UQCC1: variants seen among roughly 807,000 people sequenced by gnomAD.
UQCC1 encodes the protein bFGF-repressed Zic-binding protein.
Under a neutral mutation model 48.0 loss-of-function variants are expected in UQCC1, and 38 were observed. The ratio of observed to expected loss-of-function variants is 0.79; its 90% CI spans 0.61 to 1.04. The LOEUF is 1.04. UQCC1 is among the 50% of genes least tolerant of loss of function. The pLI is 0.00. For synonymous variants in UQCC1, 111 were observed against 129.2 expected (o/e 0.86, Z 0.95); for missense variants, 368 against 381.8 (o/e 0.96, Z 0.30).
intron 1 of UQCC1, among the ~76,000 whole-genome samples, chr20:35,405,705 T>C (rs2062241173): frequency 6.6e-6 from 1 of 152,018 alleles, no homozygotes; most frequent in Non-Finnish European, 1.5e-5. Flanking sequence ...CTGGCCAACA[T>C]GGTGAAACCC....
At chr20:35,404,723 C>T (rs1392414352) in intron 1 of UQCC1, among the ~76,000 whole-genome samples, 1 of 151,542 alleles carries the variant, frequency 6.6e-6, no homozygotes, top group Non-Finnish European at 1.5e-5. Context: ...ATTATTCAAC[C>T]TGTCTGACAG....
At chr20:35,395,275 G>T (rs1433783593) in intron 1 of UQCC1, among the ~76,000 whole-genome samples, 1 of 152,036 alleles carries the variant, frequency 6.6e-6, no homozygotes, top group African/African-American at 2.4e-5. Context: ...ACACATATTT[G>T]TTCCTCTAGC....
intron 1 of UQCC1, among the ~76,000 whole-genome samples, chr20:35,410,316 G>A (rs2062330228): frequency 6.6e-6 from 1 of 151,708 alleles, no homozygotes; most frequent in East Asian, 2.0e-4. Context: ...GGCGGATCAT[G>A]AGGTCAGGAG....
chr20:35,395,978 GTC>G (rs2062072476), intron 1 of UQCC1, among the ~76,000 whole-genome samples: 2 of 110,040 alleles, frequency 1.8e-5, no homozygotes, highest in Non-Finnish European at 3.9e-5. Flanking sequence ...GGTTTGCAAT[GTC>G]TTTTTTTTTT....
intron 1 of UQCC1, among the ~76,000 whole-genome samples, chr20:35,401,613 T>C (rs889208246): frequency 1.3e-5 from 2 of 151,034 alleles, no homozygotes; most frequent in African/African-American, 4.9e-5. Context: ...TTCACAAATA[T>C]AGAATCTGTG....
rs112201355 is a variant in UQCC1 at position 35,397,320 on chromosome 20, C to T, written c.25-3124G>A. Among the ~76,000 whole-genome samples the T allele has an allele frequency of 4.2e-3, 632 of 151,796 alleles. 3 individuals are homozygous for T. The highest frequency in any genetic ancestry group is 6.9e-3 in the Middle Eastern group (2 of 290). On this transcript the variant is annotated intron_variant, in intron 1 of 9. Transcript: ENST00000374385. ...CACGAGGTCAGGAGATCGAGACCATCGTGGCTAACACAGTGAAACCCCTTC... is the reference window on the plus strand; with the variant it reads ...CACGAGGTCAGGAGATCGAGACCATTGTGGCTAACACAGTGAAACCCCTTC...
rs765833755 is a variant in UQCC1, at chr20:35,318,261, C to A, written c.574-3496G>T. ...TCAATACCCTTGAGGAAAGGGTGAA[C>A]TGAAACCCAGAAAGAAGAGACTTAT... On this transcript the variant is annotated intron_variant, in intron 7 of 9. Transcript: ENST00000374385. 8.4e-4 allele frequency among the ~76,000 whole-genome samples: 128 copies of A among 152,184 alleles called. 1 individual carries two copies. The highest frequency in any genetic ancestry group is 7.8e-4 in the Non-Finnish European group (53 of 68,038).
At chr20:35,306,993 A>G in intron 8 of UQCC1, 1 of 586,238 alleles carries the variant, frequency 1.7e-6, no homozygotes, top group Non-Finnish European at 3.1e-6. Flanking sequence ...ACAGAGGGAG[A>G]ACAGGGGGTC....
At chr20:35,365,655 T>TAA (rs34840052) in intron 6 of UQCC1, among the ~76,000 whole-genome samples, 2,017 of 118,932 alleles carry the variant, frequency 0.017, 49 homozygotes, top group South Asian at 0.066. Context: ...AGACTATGTC[T>TAA]AAAAAAAAAA....
At chr20:35,317,455 G>A (rs539841672) in intron 7 of UQCC1, among the ~76,000 whole-genome samples, 2 of 152,338 alleles carry the variant, frequency 1.3e-5, no homozygotes, top group Admixed American at 6.5e-5. Flanking sequence ...AAAGGATTGT[G>A]AAGCTCAAGG....
chr20:35,324,478 C>G (rs1009627080), intron 7 of UQCC1, among the ~76,000 whole-genome samples: 3 of 152,190 alleles, frequency 2.0e-5, no homozygotes, highest in Non-Finnish European at 4.4e-5. Context: ...AGGTGCCCAC[C>G]ACCACGCCCA....
intron 7 of UQCC1, among the ~76,000 whole-genome samples, chr20:35,319,725 A>G (rs776072215): frequency 3.3e-5 from 5 of 152,222 alleles, no homozygotes; most frequent in Non-Finnish European, 7.3e-5. Context: ...AACAGAGAAC[A>G]CAAGTAAGGC....
chr20:35,325,681 C>T (rs1366111061), intron 7 of UQCC1, among the ~76,000 whole-genome samples: 9 of 152,226 alleles, frequency 5.9e-5, no homozygotes, highest in African/African-American at 1.9e-4. Context: ...ACACCTAGCA[C>T]GTTGTATGTA....
intron 6 of UQCC1, 85 bp downstream of exon 6, chr20:35,366,472 A>G (rs962054351): frequency 1.7e-6 from 2 of 1,173,314 alleles, no homozygotes; most frequent in Non-Finnish European, 2.5e-6. Context: ...ATTTCATATA[A>G]TCAGCCCTCC....
At chr20:35,405,903 G>A (rs1254920883) in intron 1 of UQCC1, among the ~76,000 whole-genome samples, 2 of 152,052 alleles carry the variant, frequency 1.3e-5, no homozygotes, top group Non-Finnish European at 2.9e-5. Context: ...ATAAATTCTA[G>A]AATTGAAAAG....
chr20:35,404,433 G>A (rs1247650594), intron 1 of UQCC1, among the ~76,000 whole-genome samples: 8 of 150,678 alleles, frequency 5.3e-5, no homozygotes, highest in South Asian at 2.1e-4. Flanking sequence ...CCAGCTACTC[G>A]GGAGGCTGAG....
intron 1 of UQCC1, among the ~76,000 whole-genome samples, chr20:35,402,390 A>C (rs1309920997): frequency 6.6e-6 from 1 of 151,982 alleles, no homozygotes; most frequent in Non-Finnish European, 1.5e-5. Context: ...CATCCTGGCT[A>C]ACATGGTGAA....
intron 8 of UQCC1, among the ~76,000 whole-genome samples, chr20:35,312,710 G>T (rs780347422): frequency 1.3e-5 from 2 of 152,170 alleles, no homozygotes; most frequent in Non-Finnish European, 2.9e-5. Context: ...CTTTCTACAT[G>T]CTTGAAATCT....
At position 35,382,109 on chromosome 20, in the gene UQCC1, A is replaced by AT. The variant is rs976323884; in HGVS notation, c.226-85dup. On this transcript the variant is annotated intron_variant, in intron 3 of 9. Transcript: ENST00000374385. ...TTTGTTCCTCATCAGGTCTGAGAGC[A>AT]TTTTTTTTTTAAATACAGTCAGGGT... is the stretch of plus-strand genomic sequence containing the variant. The AT allele has an allele frequency of 2.0e-3, 1,468 of 743,088 alleles. 2 individuals carry two copies. The highest frequency in any genetic ancestry group is 6.7e-3 in the East Asian group (241 of 36,066). The allele number at this position is 743,088 out of a possible 1,614,324, so 46.0% of individuals were successfully genotyped here.
Sources: allele counts gnomAD v4.1 joint callset (sites outside exome capture counted in the v4.1 genomes callset), GRCh38; gene constraint gnomAD v4.1.1; transcripts MANE v1.5; gene names NCBI Gene and HGNC (gene_info 2026-07-23, HGNC 2026-07-21).